NUDCD1: variants seen among roughly 807,000 people sequenced by gnomAD.
The protein encoded by NUDCD1 is NudC domain containing 1, also known as nudC domain-containing protein 1.
A neutral mutation model predicts 67.8 loss-of-function variants in NUDCD1; 60 were observed. The ratio of observed to expected loss-of-function variants is 0.88; its 90% CI spans 0.72 to 1.10. The LOEUF is 1.10. Ranked by LOEUF, NUDCD1 falls within the 50% of genes least tolerant of loss-of-function variation. The probability of loss-of-function intolerance (pLI) is 0.00; values close to 1 mark genes in which losing one functional copy is unlikely to be tolerated. For missense variants in NUDCD1, 643 were observed against 695.0 expected, an observed-to-expected ratio of 0.93 and a Z score of 0.84; for synonymous variants, 244 against 230.8, an observed-to-expected ratio of 1.06 and a Z score of -0.52.
At chr8:109,289,216 C>T (rs1257504838) in intron 5 of NUDCD1, among the ~76,000 whole-genome samples, 1 of 151,924 alleles carries the variant, frequency 6.6e-6, no homozygotes, top group African/African-American at 2.4e-5. Flanking sequence ...ACCTTTTGAT[C>T]CGCCCACCTA....
intron 2 of NUDCD1, among the ~76,000 whole-genome samples, chr8:109,301,997 G>A (rs961714665): frequency 2.6e-5 from 4 of 152,076 alleles, no homozygotes; most frequent in Non-Finnish European, 5.9e-5. Flanking sequence ...TGCAGCCCAG[G>A]GCTGCTCACT....
chr8:109,259,090 A>C (rs73700846), intron 8 of NUDCD1, among the ~76,000 whole-genome samples: 1 of 152,222 alleles, frequency 6.6e-6, no homozygotes, highest in Non-Finnish European at 1.5e-5. Context: ...GGCACTAAAT[A>C]TAAGTCCTTA....
rs75057830 is a variant in NUDCD1, at chr8:109,325,428, C to T, written c.119-2965G>A. On this transcript the variant is annotated intron_variant, in intron 1 of 9. Transcript: ENST00000239690. ...ACCCTAAATACTGATTTGATCATTACACACCGTATGCATGCATCAAAATAT... is the reference window on the plus strand; with the variant it reads ...ACCCTAAATACTGATTTGATCATTATACACCGTATGCATGCATCAAAATAT... 3.7e-3 allele frequency among the ~76,000 whole-genome samples: 559 copies of T among 152,308 alleles called. 11 individuals carry two copies. The East Asian group carries it at 0.042, about 11-fold the overall frequency.
intron 8 of NUDCD1, among the ~76,000 whole-genome samples, chr8:109,258,917 A>G (rs1309324564): frequency 6.6e-6 from 1 of 152,226 alleles, no homozygotes; most frequent in Non-Finnish European, 1.5e-5. Context: ...ACCAATAATT[A>G]ACAACATTAT....
intron 2 of NUDCD1, 70 bp from the exon 3 acceptor site, chr8:109,296,639 G>A: frequency 1.9e-6 from 2 of 1,044,864 alleles, no homozygotes; most frequent in South Asian, 1.7e-5. Flanking sequence ...ATAAATATCT[G>A]CGGTGTGGTG....
chr8:109,245,200 G>T, intron 9 of NUDCD1, 122 bp downstream of exon 9: 1 of 899,766 alleles, frequency 1.1e-6, no homozygotes. Context: ...AAATCATAGC[G>T]CAAATCAATC....
chr8:109,333,501 A>G (rs978659102), intron 1 of NUDCD1, among the ~76,000 whole-genome samples: 1 of 152,192 alleles, frequency 6.6e-6, no homozygotes, highest in South Asian at 2.1e-4. Flanking sequence ...TCCTCCAAGG[A>G]GGTGTGGTTT....
chr8:109,287,811 A>C (rs1259217892), intron 5 of NUDCD1, among the ~76,000 whole-genome samples: 1 of 152,142 alleles, frequency 6.6e-6, no homozygotes, highest in Non-Finnish European at 1.5e-5. Context: ...TGTATTAATT[A>C]ATGAAAGGCC....
chr8:109,299,739 C>A (rs1035449229), intron 2 of NUDCD1, among the ~76,000 whole-genome samples: 2 of 152,172 alleles, frequency 1.3e-5, no homozygotes, highest in African/African-American at 4.8e-5. Flanking sequence ...TGTTCCTCCC[C>A]ATACTACCAC....
intron 5 of NUDCD1, among the ~76,000 whole-genome samples, chr8:109,283,804 C>G (rs1484024115): frequency 6.6e-6 from 1 of 152,062 alleles, no homozygotes; most frequent in African/African-American, 2.4e-5. Flanking sequence ...AACAAAAGAA[C>G]AGTATCTGCT....
intron 1 of NUDCD1, among the ~76,000 whole-genome samples, chr8:109,329,653 G>C (rs1815758454): frequency 6.6e-6 from 1 of 152,172 alleles, no homozygotes; most frequent in Non-Finnish European, 1.5e-5. Flanking sequence ...GGGAATGATA[G>C]CTAAGTTTAG....
Position 109,281,066 on chromosome 8 carries a change from G to A in NUDCD1, c.930C>T (p.His310=). 3.7e-6 allele frequency: 6 copies of A among 1,612,322 alleles called. No individual in the cohort carries two copies. The highest frequency in any genetic ancestry group is 1.7e-5 in the Admixed American group (1 of 60,008). Residue 310 remains histidine, a synonymous_variant, in exon 6 of 10, where the codon CAC becomes CAT. Coordinates refer to ENST00000239690, the MANE Select transcript of NUDCD1 (RefSeq NM_032869.4). ...EDIQIQFLPD[H]INIVLKDHQF... is the part of the protein sequence containing the mutation. ...GGTGATCCTTCAGTACAATGTTGAT[G>A]TGATCAGGCAAAAACTGTATTTGAA...
At position 109,313,216 on chromosome 8, in the gene NUDCD1, TGC is replaced by T. The variant is rs1471611279; in HGVS notation, c.273+9091_273+9092del. ...CAAATCCAACTCATTCAACCACAGATGCGTGCCTGGTATCTTTGTCTGGAGAG... is the reference window on the plus strand; with the variant it reads ...CAAATCCAACTCATTCAACCACAGATGTGCCTGGTATCTTTGTCTGGAGAG... On this transcript the variant is annotated intron_variant, in intron 2 of 9. Transcript: ENST00000239690. Among the ~76,000 whole-genome samples, 13 of 152,310 alleles carry T rather than the reference TGC, an allele frequency of 8.5e-5. No individual in the cohort carries two copies. In the East Asian group the frequency reaches 2.5e-3, roughly 29 times the overall value.
intron 8 of NUDCD1, 116 bp from the exon 9 acceptor site, chr8:109,245,597 A>G (rs1248888244): frequency 8.7e-6 from 6 of 692,114 alleles, no homozygotes; most frequent in Admixed American, 5.8e-5. Flanking sequence ...TACTTTTTAT[A>G]TACTTAATCT....
intron 3 of NUDCD1, among the ~76,000 whole-genome samples, chr8:109,294,827 T>TACC (rs1814803049): frequency 6.6e-6 from 1 of 152,000 alleles, no homozygotes; most frequent in African/African-American, 2.4e-5. Context: ...TTGGCCCCCT[T>TACC]ACCCCCCACC....
intron 5 of NUDCD1, among the ~76,000 whole-genome samples, chr8:109,289,409 A>T (rs1000811701): frequency 1.3e-5 from 2 of 152,200 alleles, no homozygotes; most frequent in African/African-American, 4.8e-5. Context: ...ACTTATTTTT[A>T]AAAATTAGTA....
chr8:109,262,990 G>A (rs1813901306), intron 8 of NUDCD1, among the ~76,000 whole-genome samples: 1 of 141,108 alleles, frequency 7.1e-6, no homozygotes, highest in Non-Finnish European at 1.5e-5. Context: ...GGGAGGCAAA[G>A]GTTGCAGTGA....
chr8:109,327,997 C>T (rs777926099), intron 1 of NUDCD1, among the ~76,000 whole-genome samples: 5 of 152,112 alleles, frequency 3.3e-5, no homozygotes, highest in East Asian at 1.9e-4. Flanking sequence ...TAAAAATATA[C>T]ATTGAATAAC....
intron 8 of NUDCD1, among the ~76,000 whole-genome samples, chr8:109,268,897 A>G (rs1164804353): frequency 2.6e-5 from 4 of 152,126 alleles, no homozygotes; most frequent in Admixed American, 1.3e-4. Context: ...TCAAAACTAA[A>G]CAACATCTAG....
Sources: allele counts gnomAD v4.1 joint callset (sites outside exome capture counted in the v4.1 genomes callset), GRCh38; gene constraint gnomAD v4.1.1; transcripts MANE v1.5; gene names NCBI Gene and HGNC (gene_info 2026-07-23, HGNC 2026-07-21).